The following RTL4 variants were observed in gnomAD, a reference collection of about 807,000 sequenced individuals.
RTL4 encodes retrotransposon Gag-like protein 4.
A neutral mutation model predicts 5.3 loss-of-function variants in RTL4; 4 were observed. The observed-to-expected ratio is 0.75, with a 90% CI of 0.37 to 1.72. The LOEUF (loss-of-function observed/expected upper bound fraction) is 1.72. RTL4 is among the 40% of genes most tolerant of loss of function. The pLI, the probability that RTL4 is intolerant of heterozygous loss-of-function variation, is 0.04. For missense variants in RTL4, 260 were observed against 227.1 expected, an observed-to-expected ratio of 1.14 and a Z score of -0.93; for synonymous variants, 98 against 87.3, an observed-to-expected ratio of 1.12 and a Z score of -0.68.
the RTL4 span, among the ~76,000 whole-genome samples, chrX:112,280,772 G>A: frequency 2.7e-5 from 3 of 111,734 alleles, no homozygotes; most frequent in Admixed American, 9.5e-5. Flanking sequence ...TGGGATTACA[G>A]GTGTGAGCCA....
At chrX:112,360,547 AT>A in the RTL4 span, among the ~76,000 whole-genome samples, 852 of 105,738 alleles carry the variant, frequency 8.1e-3, 7 homozygotes, top group African/African-American at 0.023. Flanking sequence ...TAGCGTTTAA[AT>A]TTTTTTTTTT....
chrX:112,329,396 C>T, the RTL4 span, among the ~76,000 whole-genome samples: 20 of 111,736 alleles, frequency 1.8e-4, no homozygotes, highest in African/African-American at 6.5e-4. Context: ...CGCAAATAAA[C>T]TAGAAAATCT....
the RTL4 span, among the ~76,000 whole-genome samples, chrX:112,202,830 A>C: frequency 4.5e-5 from 5 of 110,785 alleles, no homozygotes; most frequent in African/African-American, 1.3e-4. Flanking sequence ...TTAGTTTTAT[A>C]AAAAAACTGT....
chrX:112,185,790 T>C, the RTL4 span, among the ~76,000 whole-genome samples: 2 of 110,320 alleles, frequency 1.8e-5, no homozygotes, highest in Admixed American at 2.0e-4. Context: ...GAGATAATAA[T>C]GGTACCTATC....
At chrX:112,399,911 A>G in the RTL4 span, among the ~76,000 whole-genome samples, 1 of 111,545 alleles carries the variant, frequency 9.0e-6, no homozygotes, top group Admixed American at 9.6e-5. Context: ...TCTTCATTTT[A>G]TAATATTAAA....
the RTL4 span, among the ~76,000 whole-genome samples, chrX:112,135,330 T>TTG: frequency 8.9e-6 from 1 of 111,923 alleles, no homozygotes; most frequent in Non-Finnish European, 1.9e-5. Flanking sequence ...TTCATGTACT[T>TTG]ATCAGTCATC....
chrX:112,178,089 TA>T, the RTL4 span, among the ~76,000 whole-genome samples: 8 of 111,513 alleles, frequency 7.2e-5, no homozygotes, highest in African/African-American at 2.6e-4. Flanking sequence ...GTCTACTTCA[TA>T]ATACAGATTT....
chrX:112,394,985 C>T, the RTL4 span, among the ~76,000 whole-genome samples: 3 of 111,894 alleles, frequency 2.7e-5, no homozygotes, highest in African/African-American at 9.7e-5. Context: ...AGCAACAAAA[C>T]TCCCCAAATA....
At chrX:112,210,544 T>C in the RTL4 span, among the ~76,000 whole-genome samples, 1 of 112,383 alleles carries the variant, frequency 8.9e-6, no homozygotes, top group East Asian at 2.8e-4. Flanking sequence ...CACATTTTCA[T>C]TATATCATGC....
At chrX:112,455,661 AGAG>A (rs1569330009) in exon 1 of RTL4, 3 of 1,191,275 alleles carry the variant, frequency 2.5e-6, no homozygotes, top group Non-Finnish European at 1.1e-6. Context: ...CTCACCAGTA[AGAG>A]GAGACCAGGA....
chrX:112,241,679 T>C, the RTL4 span, among the ~76,000 whole-genome samples: 1 of 112,304 alleles, frequency 8.9e-6, no homozygotes, highest in African/African-American at 3.2e-5. Flanking sequence ...TCTTTTGCTG[T>C]GGAGAAGCTC....
chrX:112,390,520 T>C, the RTL4 span, among the ~76,000 whole-genome samples: 1 of 110,380 alleles, frequency 9.1e-6, no homozygotes, highest in Admixed American at 9.7e-5. Context: ...CATTTGCTTG[T>C]CTGAAAGGAA....
At chrX:112,110,372 G>A in the RTL4 span, among the ~76,000 whole-genome samples, 1 of 111,417 alleles carries the variant, frequency 9.0e-6, no homozygotes. Flanking sequence ...CTTTGATAGT[G>A]TGTGGTAGTA....
At chrX:112,262,071 A>T in the RTL4 span, among the ~76,000 whole-genome samples, 1 of 111,948 alleles carries the variant, frequency 8.9e-6, no homozygotes, top group Admixed American at 9.5e-5. Context: ...TAAATGTTAG[A>T]CCTAAAACCA....
At chrX:112,327,447 G>A in the RTL4 span, among the ~76,000 whole-genome samples, 1 of 110,457 alleles carries the variant, frequency 9.1e-6, no homozygotes, top group African/African-American at 3.3e-5. Context: ...GAGAAGGGAA[G>A]TTTAGAGAAA....
At chrX:112,092,846 T>C in the RTL4 span, among the ~76,000 whole-genome samples, 1 of 111,745 alleles carries the variant, frequency 8.9e-6, no homozygotes, top group African/African-American at 3.3e-5. Context: ...TCTGCCATGA[T>C]TGTGAGGCCT....
the RTL4 span, among the ~76,000 whole-genome samples, chrX:112,274,325 C>G: frequency 8.9e-6 from 1 of 111,802 alleles, no homozygotes; most frequent in African/African-American, 3.3e-5. Context: ...GGATGTCTTG[C>G]TATTTCCTGT....
the RTL4 span, among the ~76,000 whole-genome samples, chrX:112,149,543 A>G: frequency 4.5e-5 from 5 of 111,676 alleles, no homozygotes; most frequent in African/African-American, 1.6e-4. Context: ...AAGCAGGAGA[A>G]TGACTGGTGC....
At chrX:112,202,078 C>T in the RTL4 span, among the ~76,000 whole-genome samples, 2 of 110,954 alleles carry the variant, frequency 1.8e-5, no homozygotes, top group African/African-American at 6.6e-5. Flanking sequence ...AGTTCCATGA[C>T]TACAAGGATC....
Sources: allele counts gnomAD v4.1 joint callset (sites outside exome capture counted in the v4.1 genomes callset), GRCh38; gene constraint gnomAD v4.1.1; transcripts MANE v1.5; gene names NCBI Gene and HGNC (gene_info 2026-07-23, HGNC 2026-07-21).